The following DAB1 variants were observed in gnomAD, a reference collection of about 807,000 sequenced individuals.
The protein encoded by DAB1 is disabled homolog 1.
A neutral mutation model predicts 64.6 loss-of-function variants in DAB1; 15 were observed. That is an observed-to-expected ratio of 0.23 (90% CI 0.16 to 0.36). The LOEUF is 0.36. Among genes scored for constraint, DAB1 ranks in the 10% least tolerant of loss-of-function variants. The pLI is 1.00. For missense variants in DAB1, 596 were observed against 706.7 expected (o/e 0.84, Z 1.78); for synonymous variants, 235 against 251.9 (o/e 0.93, Z 0.64).
chr1:57,511,862 T>C (rs892638642), intron 7 of DAB1, among the ~76,000 whole-genome samples: 1 of 152,140 alleles, frequency 6.6e-6, no homozygotes, highest in African/African-American at 2.4e-5. Flanking sequence ...ACACAGCAAA[T>C]CCCGTGAGTT....
At chr1:57,755,879 A>T (rs936750596) in intron 6 of DAB1, among the ~76,000 whole-genome samples, 6 of 152,232 alleles carry the variant, frequency 3.9e-5, no homozygotes, top group African/African-American at 1.4e-4. Flanking sequence ...AAATGCAAGC[A>T]TCTGATAAGC....
chr1:57,575,352 G>T (rs1645238000), intron 7 of DAB1, among the ~76,000 whole-genome samples: 1 of 152,170 alleles, frequency 6.6e-6, no homozygotes, highest in South Asian at 2.1e-4. Flanking sequence ...AAATGCTTCT[G>T]CATACATTGC....
chr1:57,430,565 G>T (rs1034386964), intron 7 of DAB1, among the ~76,000 whole-genome samples: 3 of 151,998 alleles, frequency 2.0e-5, no homozygotes, highest in Non-Finnish European at 2.9e-5. Flanking sequence ...TTTTAGCAGA[G>T]ACGGGGTTTC....
intron 6 of DAB1, among the ~76,000 whole-genome samples, chr1:57,666,024 G>C (rs1442333127): frequency 6.6e-6 from 1 of 151,946 alleles, no homozygotes; most frequent in Non-Finnish European, 1.5e-5. Context: ...AGAGGAGCTA[G>C]CATTTAACAT....
chr1:57,860,701 A>G (rs1268549679), intron 1 of DAB1: 1 of 152,200 alleles, frequency 6.6e-6, no homozygotes, highest in African/African-American at 2.4e-5. Context: ...AGGGGCCAAC[A>G]GCTTTGCAAT....
At chr1:57,502,761 T>C (rs1022312254) in intron 7 of DAB1, among the ~76,000 whole-genome samples, 1 of 152,238 alleles carries the variant, frequency 6.6e-6, no homozygotes. Flanking sequence ...CTGGGAGCTC[T>C]TTAATTTGGA....
At chr1:57,747,879 C>A (rs1031163733) in intron 6 of DAB1, among the ~76,000 whole-genome samples, 3 of 109,244 alleles carry the variant, frequency 2.7e-5, no homozygotes, top group Non-Finnish European at 5.9e-5. Flanking sequence ...CTGAAATATC[C>A]ATGCTTAAAG....
rs555230577 is a variant in DAB1, at chr1:57,457,245, G to T, written n.626-166079C>A. ...CATTTCACAAACATGTGGTAGACCG[G>T]AGAATTGGACTAAGAACTGTGTGCA... On this transcript the variant is annotated intron_variant and non_coding_transcript_variant, in intron 7 of 20. Transcript: ENST00000485760. Among the ~76,000 whole-genome samples, 4 of 152,228 alleles carry T rather than the reference G, an allele frequency of 2.6e-5. No homozygotes were observed. The East Asian group carries it at 7.7e-4, about 29-fold the overall frequency.
intron 4 of DAB1, among the ~76,000 whole-genome samples, chr1:57,074,425 G>A (rs1334671877): frequency 6.6e-6 from 1 of 152,084 alleles, no homozygotes; most frequent in Non-Finnish European, 1.5e-5. Flanking sequence ...ATCCTTTTAA[G>A]CCATTAGGAC....
At chr1:57,914,869 C>A (rs1438143725) in intron 5 of DAB1, among the ~76,000 whole-genome samples, 1 of 152,128 alleles carries the variant, frequency 6.6e-6, no homozygotes, top group African/African-American at 2.4e-5. Context: ...AAAGCAGAGT[C>A]TCAGGCACCA....
At chr1:58,009,920 G>A (rs945515280) in intron 5 of DAB1, among the ~76,000 whole-genome samples, 1 of 152,144 alleles carries the variant, frequency 6.6e-6, no homozygotes, top group African/African-American at 2.4e-5. Flanking sequence ...TGTATTAAAT[G>A]CTTGGTTTTT....
At chr1:58,105,755 CA>C (rs1252964334) in intron 5 of DAB1, among the ~76,000 whole-genome samples, 11 of 152,298 alleles carry the variant, frequency 7.2e-5, no homozygotes, top group Admixed American at 5.9e-4. Flanking sequence ...AAAGTCCCCC[CA>C]CTTCAAGAAA....
intron 5 of DAB1, among the ~76,000 whole-genome samples, chr1:57,912,140 T>C (rs1215724736): frequency 6.6e-6 from 1 of 152,206 alleles, no homozygotes; most frequent in Non-Finnish European, 1.5e-5. Flanking sequence ...TGCTAACTCC[T>C]ATTCTTCCTT....
chr1:57,934,567 T>C (rs189081537), intron 5 of DAB1, among the ~76,000 whole-genome samples: 8 of 152,328 alleles, frequency 5.3e-5, no homozygotes, highest in African/African-American at 1.7e-4. Flanking sequence ...ATGTGCTAAA[T>C]ACCTAGCATT....
At chr1:57,165,214 T>C (rs1256032788) in intron 2 of DAB1, among the ~76,000 whole-genome samples, 1 of 152,194 alleles carries the variant, frequency 6.6e-6, no homozygotes, top group Admixed American at 6.5e-5. Context: ...TAAACAACTT[T>C]TTTTGTCGCC....
chr1:57,988,250 C>T (rs897948373), intron 5 of DAB1, among the ~76,000 whole-genome samples: 10 of 152,174 alleles, frequency 6.6e-5, no homozygotes, highest in African/African-American at 1.9e-4. Context: ...GGTTACTTAA[C>T]GAGAGGCAGG....
chr1:57,192,122 G>A (rs767254951), intron 2 of DAB1, among the ~76,000 whole-genome samples: 4 of 152,034 alleles, frequency 2.6e-5, no homozygotes, highest in Non-Finnish European at 4.4e-5. Flanking sequence ...TTTGAGACTA[G>A]CCTTGCCAAC....
At chr1:57,632,052 T>A (rs1207913622) in intron 7 of DAB1, among the ~76,000 whole-genome samples, 2 of 151,982 alleles carry the variant, frequency 1.3e-5, no homozygotes, top group Non-Finnish European at 2.9e-5. Flanking sequence ...CTACAGGGAG[T>A]AGAAGATATT....
chr1:57,290,884 C>T, intron 2 of DAB1, 80 bp downstream of exon 2: 1 of 808,204 alleles, frequency 1.2e-6, no homozygotes, highest in Non-Finnish European at 2.0e-6. Flanking sequence ...AAAGATATTT[C>T]TTTATATCAT....
Sources: allele counts gnomAD v4.1 joint callset (sites outside exome capture counted in the v4.1 genomes callset), GRCh38; gene constraint gnomAD v4.1.1; transcripts MANE v1.5; gene names NCBI Gene and HGNC (gene_info 2026-07-23, HGNC 2026-07-21).